The following ITPKB variants were observed in gnomAD, a reference collection of about 807,000 sequenced individuals.
ITPKB encodes the protein inositol-trisphosphate 3-kinase B, also known as IP3 3-kinase B.
A neutral mutation model predicts 69.4 loss-of-function variants in ITPKB; 13 were observed. The observed-to-expected ratio is 0.19, with a 90% confidence interval of 0.12 to 0.30. The LOEUF (loss-of-function observed/expected upper bound fraction) is 0.30, where lower values mean the gene tolerates loss of function less well. Ranked by LOEUF, ITPKB falls within the 10% of genes least tolerant of loss-of-function variation. The pLI, the probability that ITPKB is intolerant of heterozygous loss-of-function variation, is 1.00. For missense variants in ITPKB, 1,240 were observed against 1,250.5 expected, an observed-to-expected ratio of 0.99 and a Z score of 0.13; for synonymous variants, 584 against 513.7, an observed-to-expected ratio of 1.14 and a Z score of -1.85.
chr1:226,640,647 G>A (rs1245649196), intron 5 of ITPKB, among the ~76,000 whole-genome samples: 9 of 152,216 alleles, frequency 5.9e-5, no homozygotes, highest in Admixed American at 5.2e-4. Flanking sequence ...AGAGGGAGAG[G>A]TGAAGGGAAA....
At chr1:226,668,611 T>A (rs909397018) in intron 2 of ITPKB, among the ~76,000 whole-genome samples, 1 of 152,262 alleles carries the variant, frequency 6.6e-6, no homozygotes, top group Non-Finnish European at 1.5e-5. Flanking sequence ...TTTGTTGCAA[T>A]GTCTGGAATT....
At position 226,644,166 on chromosome 1, in the gene ITPKB, C is replaced by T. The variant is rs569333330; in HGVS notation, c.2247-2041G>A. The stretch of plus-strand genomic sequence containing the variant: ...CAAAAAGGGCCCCCGTGGCTCAAAG[C>T]GGGCAGTCACTCACTGCCCAGGAGA... On this transcript the variant is annotated intron_variant, in intron 4 of 7. Coordinates refer to ENST00000429204, the MANE Select transcript of ITPKB (RefSeq NM_002221.4). Among the ~76,000 whole-genome samples the T allele has an allele frequency of 5.3e-5, 8 of 152,344 alleles. No individual in the cohort carries two copies. In the East Asian group the frequency reaches 7.7e-4, roughly 15 times the overall value.
intron 4 of ITPKB, 26 bp downstream of exon 4, chr1:226,647,141 T>G: frequency 1.2e-6 from 2 of 1,605,028 alleles, no homozygotes. Context: ...GAGGCAGGCA[T>G]GTGGGCTGCG....
chr1:226,724,235 A>T (rs1657338249), intron 2 of ITPKB, among the ~76,000 whole-genome samples: 1 of 152,080 alleles, frequency 6.6e-6, no homozygotes. Flanking sequence ...CTCGGGCTCC[A>T]CACTCCCCAG....
At chr1:226,721,348 C>CAA (rs11353595) in intron 2 of ITPKB, among the ~76,000 whole-genome samples, 3 of 64,646 alleles carry the variant, frequency 4.6e-5, no homozygotes, top group South Asian at 6.2e-4. Context: ...AACTCTGTCT[C>CAA]AAAAAAAAAA....
chr1:226,685,931 A>G (rs1372893002), intron 2 of ITPKB, among the ~76,000 whole-genome samples: 2 of 152,206 alleles, frequency 1.3e-5, no homozygotes, highest in African/African-American at 2.4e-5. Flanking sequence ...AATGTGATGC[A>G]AGACAAGAAA....
intron 2 of ITPKB, among the ~76,000 whole-genome samples, chr1:226,711,509 G>A (rs1417629060): frequency 6.6e-6 from 1 of 151,714 alleles, no homozygotes; most frequent in African/African-American, 2.4e-5. Flanking sequence ...CCAAGGCCCA[G>A]ATGCCCAGAT....
chr1:226,685,429 A>G (rs1656185530), intron 2 of ITPKB, among the ~76,000 whole-genome samples: 1 of 152,098 alleles, frequency 6.6e-6, no homozygotes, highest in African/African-American at 2.4e-5. Context: ...TGGACCTTCA[A>G]CTTGGAATCA....
chr1:226,676,674 TGAGAATAAC>T (rs1669740777), intron 2 of ITPKB, among the ~76,000 whole-genome samples: 1 of 152,250 alleles, frequency 6.6e-6, no homozygotes, highest in Non-Finnish European at 1.5e-5. Flanking sequence ...AAAAGTGCCT[TGAGAATAAC>T]ACAGAAATCT....
chr1:226,649,861 A>AC (rs1669152521), intron 2 of ITPKB, among the ~76,000 whole-genome samples: 2 of 152,046 alleles, frequency 1.3e-5, no homozygotes, highest in Admixed American at 6.6e-5. Flanking sequence ...AACAAAAAAA[A>AC]AACATATTTT....
At chr1:226,694,929 CTT>C (rs962687288) in intron 2 of ITPKB, among the ~76,000 whole-genome samples, 19 of 152,250 alleles carry the variant, frequency 1.2e-4, no homozygotes, top group African/African-American at 4.6e-4. Flanking sequence ...TCTTCCAACT[CTT>C]TCAAAAAGCT....
chr1:226,682,244 G>A (rs147384154), intron 2 of ITPKB, among the ~76,000 whole-genome samples: 1 of 152,274 alleles, frequency 6.6e-6, no homozygotes, highest in Non-Finnish European at 1.5e-5. Flanking sequence ...GCTCCCACAT[G>A]TTTCCAAAGT....
intron 2 of ITPKB, among the ~76,000 whole-genome samples, chr1:226,703,960 TAAAA>T (rs534025076): frequency 6.7e-6 from 1 of 150,078 alleles, no homozygotes; most frequent in Admixed American, 6.6e-5. Flanking sequence ...CAAGAGCTAA[TAAAA>T]AAAAAATCTT....
intron 2 of ITPKB, among the ~76,000 whole-genome samples, chr1:226,656,347 C>T (rs1291016552): frequency 1.3e-5 from 2 of 152,182 alleles, no homozygotes; most frequent in Non-Finnish European, 2.9e-5. Flanking sequence ...GGAGGGGCTG[C>T]ACTTGCCCAT....
At chr1:226,672,298 A>C (rs1013473028) in intron 2 of ITPKB, among the ~76,000 whole-genome samples, 1 of 152,198 alleles carries the variant, frequency 6.6e-6, no homozygotes, top group Non-Finnish European at 1.5e-5. Flanking sequence ...ATGTGGGCTC[A>C]AGACTAACTG....
chr1:226,637,589 G>A lies in ITPKB; in HGVS notation c.2625+90C>T. 2 of 1,024,358 alleles carry A rather than the reference G, an allele frequency of 2.0e-6. No individual in the cohort carries two copies. The highest frequency in any genetic ancestry group is 3.0e-6 in the Non-Finnish European group (2 of 660,424). 63.5% of individuals were successfully genotyped at this position (1,024,358 alleles called of 1,614,324 possible). A position where few individuals can be genotyped will look rare whatever the true frequency, so the allele number is the denominator to read the frequency against. On this transcript the variant is annotated intron_variant, in intron 7 of 7. Transcript: ENST00000429204. The surrounding 1 kb of genome is among the most constrained non-coding windows in gnomAD (Gnocchi z 4.3). ...CCTCTGGCTGCACCACCCTGAAAAT[G>A]CCCGATGCCCCGGGCTTCTGGAAGG...
Position 226,737,356 on chromosome 1 carries a change from G to T in ITPKB, c.103C>A (p.Pro35Thr). ...CTCAGCACTGCCCTCCTCGGGGGCGGGGGCGTCTCGCTGCCACTGGGCCCC... is the reference window on the plus strand; with the variant it reads ...CTCAGCACTGCCCTCCTCGGGGGCGTGGGCGTCTCGCTGCCACTGGGCCCC... The part of the protein sequence containing the change: ...GPGPSGSETP[P>T]PPRRAVLSPG... Residue 35 changes from proline (P) to threonine (T), a missense_variant, in exon 2 of 8, where the codon CCG becomes ACG. Physicochemically the swap from Pro to Thr is conservative, Grantham distance 38 (BLOSUM62 -1). Around this residue, in one of 2 missense-constraint regions of ITPKB, gnomAD observed 992 missense variants for 853.8 expected, o/e 1.16. Coordinates refer to ENST00000429204, the MANE Select transcript of ITPKB (RefSeq NM_002221.4). 1 of 1,606,194 alleles carries T rather than the reference G, an allele frequency of 6.2e-7. No individual in the cohort carries two copies.
At chr1:226,650,121 C>T (rs938410316) in intron 2 of ITPKB, among the ~76,000 whole-genome samples, 4 of 152,226 alleles carry the variant, frequency 2.6e-5, no homozygotes, top group African/African-American at 9.6e-5. Flanking sequence ...CTCCTTGCCC[C>T]GAAGCGCCCA....
chr1:226,727,626 G>C (rs1011436910), intron 2 of ITPKB, among the ~76,000 whole-genome samples: 7 of 152,088 alleles, frequency 4.6e-5, no homozygotes, highest in African/African-American at 1.7e-4. Context: ...ATGGGGGCAG[G>C]GAGGGGGACA....
Sources: allele counts gnomAD v4.1 joint callset (sites outside exome capture counted in the v4.1 genomes callset), GRCh38; gene constraint gnomAD v4.1.1; regional missense constraint gnomAD v4.1.1; non-coding constraint Gnocchi (gnomAD v3.1); transcripts MANE v1.5; gene names NCBI Gene and HGNC (gene_info 2026-07-23, HGNC 2026-07-21).